The following KHDRBS3 variants were observed in gnomAD, a reference collection of about 807,000 sequenced individuals.
KHDRBS3 encodes the protein KH RNA binding domain containing, signal transduction associated 3, also known as KH domain-containing, RNA-binding, signal transduction-associated protein 3.
Under a neutral mutation model 45.6 loss-of-function variants are expected in KHDRBS3, and 23 were observed. The ratio of observed to expected loss-of-function variants is 0.50; its 90% CI spans 0.36 to 0.72. The LOEUF (loss-of-function observed/expected upper bound fraction) is 0.72, where lower values mean the gene tolerates loss of function less well. Ranked by LOEUF, KHDRBS3 falls within the 30% of genes least tolerant of loss-of-function variation. The probability of loss-of-function intolerance (pLI) is 0.00; values close to 1 mark genes in which losing one functional copy is unlikely to be tolerated. For missense variants in KHDRBS3, 352 were observed against 424.8 expected (o/e 0.83, Z 1.51); for synonymous variants, 162 against 156.5 (o/e 1.04, Z -0.26).
At chr8:135,639,397 T>G (rs1385325417) in intron 7 of KHDRBS3, among the ~76,000 whole-genome samples, 1 of 152,132 alleles carries the variant, frequency 6.6e-6, no homozygotes, top group Non-Finnish European at 1.5e-5. Flanking sequence ...GAGGCCTGCG[T>G]ATTTGAAGGA....
At chr8:135,651,693 T>C (rs1477752589), downstream of KHDRBS3, among the ~76,000 whole-genome samples, 1 of 152,226 alleles carries the variant, frequency 6.6e-6, no homozygotes, top group African/African-American at 2.4e-5. Context: ...TTCCACTGGT[T>C]AGTGATTTTA....
At position 135,523,727 on chromosome 8, in the gene KHDRBS3, A is replaced by G. The variant is rs942428997; in HGVS notation, c.207+2372A>G. ...TTTAACATTAAGAACAATATTAGTT[A>G]CAGGTTTTTTTGGTAGATTTCATTT... On this transcript the variant is annotated intron_variant, in intron 2 of 8. Coordinates refer to ENST00000355849, the MANE Select transcript of KHDRBS3 (RefSeq NM_006558.3). Among the ~76,000 whole-genome samples, 3 of 152,280 alleles carry G rather than the reference A, an allele frequency of 2.0e-5. No individual in the cohort carries two copies. In the South Asian group the frequency reaches 6.2e-4, roughly 32 times the overall value.
chr8:135,586,640 C>A (rs1828488836), intron 6 of KHDRBS3, among the ~76,000 whole-genome samples: 1 of 152,190 alleles, frequency 6.6e-6, no homozygotes, highest in South Asian at 2.1e-4. Flanking sequence ...AATTTCTCAA[C>A]ATCTGTACCT....
Position 135,574,232 on chromosome 8 carries a change from T to TGTTAGCACGTCACCTCCATCAC in KHDRBS3, c.612-7625_612-7624insCGTTAGCACGTCACCTCCATCA, listed in dbSNP as rs1563778295. ...TCATGTTAGCACGTCACCTCCATCATGTTAGCACGTCACCTCCATCATGCC... is the reference window on the plus strand; with the variant it reads ...TCATGTTAGCACGTCACCTCCATCATGTTAGCACGTCACCTCCATCACGTTAGCACGTCACCTCCATCATGCC... On this transcript the variant is annotated intron_variant, in intron 5 of 8. Coordinates refer to ENST00000355849, the MANE Select transcript of KHDRBS3 (RefSeq NM_006558.3). Among the ~76,000 whole-genome samples, 3 of 152,078 alleles carry TGTTAGCACGTCACCTCCATCAC rather than the reference T, an allele frequency of 2.0e-5. No individual in the cohort carries two copies. In the East Asian group the frequency reaches 5.8e-4, roughly 29 times the overall value.
intron 5 of KHDRBS3, among the ~76,000 whole-genome samples, chr8:135,559,136 A>G (rs971518562): frequency 2.0e-5 from 3 of 152,100 alleles, no homozygotes; most frequent in African/African-American, 7.2e-5. Flanking sequence ...CTTCTTCTAG[A>G]TAAGGTAATG....
At chr8:135,528,746 T>G (rs1416666230) in intron 2 of KHDRBS3, among the ~76,000 whole-genome samples, 1 of 152,228 alleles carries the variant, frequency 6.6e-6, no homozygotes, top group Non-Finnish European at 1.5e-5. Flanking sequence ...CTGCATTTGG[T>G]GTGTGGTGGG....
intron 1 of KHDRBS3, among the ~76,000 whole-genome samples, chr8:135,490,271 C>A (rs975430801): frequency 7.5e-4 from 114 of 151,682 alleles, no homozygotes; most frequent in African/African-American, 2.6e-3. Context: ...CCTTGCCTCC[C>A]CTTCCTCTCT....
chr8:135,626,149 A>G (rs984299457), intron 7 of KHDRBS3, among the ~76,000 whole-genome samples: 2 of 152,270 alleles, frequency 1.3e-5, no homozygotes, highest in Non-Finnish European at 2.9e-5. Context: ...TGTCCTTCAT[A>G]TATGTATATA....
At position 135,503,551 on chromosome 8, in the gene KHDRBS3, G is replaced by A. The variant is rs74950373; in HGVS notation, c.89-17686G>A. On this transcript the variant is annotated intron_variant, in intron 1 of 8. Transcript: ENST00000355849. ...ACTGACACAGGAGTAGCTCTTTCAT[G>A]TTCTGAAAGTTTTTTTGTTTTTTTT... Among the ~76,000 whole-genome samples the A allele has an allele frequency of 9.2e-3, 1,395 of 151,696 alleles. 17 individuals carry two copies. The highest frequency in any genetic ancestry group is 0.03 in the African/African-American group (1,222 of 41,390).
intron 1 of KHDRBS3, among the ~76,000 whole-genome samples, chr8:135,494,125 T>C (rs979491743): frequency 6.6e-6 from 1 of 151,800 alleles, no homozygotes; most frequent in Non-Finnish European, 1.5e-5. Flanking sequence ...CTTTACTCTT[T>C]TTTTTCTTAA....
At chr8:135,620,289 C>T (rs1320748092) in intron 7 of KHDRBS3, among the ~76,000 whole-genome samples, 4 of 151,924 alleles carry the variant, frequency 2.6e-5, no homozygotes, top group African/African-American at 9.7e-5. Flanking sequence ...TTTTTAGAGA[C>T]GGAGTTTTGC....
intron 6 of KHDRBS3, among the ~76,000 whole-genome samples, chr8:135,590,733 A>G (rs1828706583): frequency 6.6e-6 from 1 of 152,236 alleles, no homozygotes; most frequent in African/African-American, 2.4e-5. Context: ...ACAAAATGAG[A>G]TTTAAAAAAT....
intron 1 of KHDRBS3, among the ~76,000 whole-genome samples, chr8:135,469,504 GTGTTTTTTTTTTGTTTTGGTTTTTTT>G: frequency 1.2e-5 from 1 of 86,278 alleles, no homozygotes; most frequent in Non-Finnish European, 2.3e-5. Context: ...AGCCAGGATG[GTGTTTTTTTTTTGTTTTGGTTTTTTT>G]TTTTTTTTTT....
chr8:135,602,073 C>A (rs1419410696), intron 6 of KHDRBS3, among the ~76,000 whole-genome samples: 1 of 152,176 alleles, frequency 6.6e-6, no homozygotes, highest in Non-Finnish European at 1.5e-5. Context: ...TCGTTTTAAT[C>A]ATTTGCTGAG....
intron 1 of KHDRBS3, among the ~76,000 whole-genome samples, chr8:135,505,849 T>C (rs1355902062): frequency 6.7e-6 from 1 of 149,746 alleles, no homozygotes; most frequent in Non-Finnish European, 1.5e-5. Context: ...AAAAAATCAC[T>C]GTAACTGCTA....
intron 5 of KHDRBS3, among the ~76,000 whole-genome samples, chr8:135,580,242 A>T (rs1485026170): frequency 6.6e-6 from 1 of 152,208 alleles, no homozygotes; most frequent in Non-Finnish European, 1.5e-5. Flanking sequence ...TGAACGAGGC[A>T]CTTCCAATGA....
At chr8:135,573,951 G>C (rs562345735) in intron 5 of KHDRBS3, among the ~76,000 whole-genome samples, 88 of 152,272 alleles carry the variant, frequency 5.8e-4, no homozygotes, top group South Asian at 2.1e-3. Flanking sequence ...GTTACACTCA[G>C]TTTGTGGTAC....
chr8:135,571,352 A>T (rs1002575245), intron 5 of KHDRBS3, among the ~76,000 whole-genome samples: 2 of 152,204 alleles, frequency 1.3e-5, no homozygotes, highest in Non-Finnish European at 2.9e-5. Context: ...CAGAACTTGT[A>T]ATAGTTTTAC....
At chr8:135,482,798 A>G (rs904779273) in intron 1 of KHDRBS3, among the ~76,000 whole-genome samples, 8 of 152,128 alleles carry the variant, frequency 5.3e-5, no homozygotes, top group Admixed American at 5.2e-4. Context: ...TGAAAAGTTG[A>G]CTAACACCAC....
Sources: allele counts gnomAD v4.1 joint callset (sites outside exome capture counted in the v4.1 genomes callset), GRCh38; gene constraint gnomAD v4.1.1; transcripts MANE v1.5; gene names NCBI Gene and HGNC (gene_info 2026-07-23, HGNC 2026-07-21).